Variants in PPP6R2 observed in about 807,000 individuals in gnomAD.
PPP6R2 encodes serine/threonine-protein phosphatase 6 regulatory subunit 2.
Under a neutral mutation model 100.2 loss-of-function variants are expected in PPP6R2, and 62 were observed. The observed-to-expected ratio is 0.62, with a 90% CI of 0.50 to 0.76. The LOEUF (loss-of-function observed/expected upper bound fraction) is 0.76, where lower values mean the gene tolerates loss of function less well. Among genes scored for constraint, PPP6R2 ranks in the 30% least tolerant of loss-of-function variants. The probability of loss-of-function intolerance (pLI) is 0.00; values close to 1 mark genes in which losing one functional copy is unlikely to be tolerated. For synonymous variants in PPP6R2, 525 were observed against 514.7 expected, an observed-to-expected ratio of 1.02 and a Z score of -0.27; for missense variants, 1,142 against 1,276.3, an observed-to-expected ratio of 0.89 and a Z score of 1.60.
chr22:50,418,266 A>G (rs188499801), intron 6 of PPP6R2, among the ~76,000 whole-genome samples: 22 of 152,250 alleles, frequency 1.4e-4, no homozygotes, highest in Admixed American at 7.2e-4. Flanking sequence ...TTTAAAAAAA[A>G]GAAAACTCTA....
intron 3 of PPP6R2, among the ~76,000 whole-genome samples, chr22:50,402,316 G>T (rs2058174011): frequency 1.3e-5 from 2 of 148,620 alleles, no homozygotes; most frequent in South Asian, 2.2e-4. Flanking sequence ...AGGGCTGGGG[G>T]CACCCCAGTT....
upstream of PPP6R2, among the ~76,000 whole-genome samples, chr22:50,338,874 A>AGT (rs553855768): frequency 1.7e-5 from 1 of 57,268 alleles, no homozygotes. Context: ...TGTGGTATGT[A>AGT]GTGTGTGTGT....
chr22:50,394,896 A>G (rs1305124771), intron 3 of PPP6R2, among the ~76,000 whole-genome samples: 3 of 132,552 alleles, frequency 2.3e-5, no homozygotes, highest in Non-Finnish European at 3.1e-5. Context: ...CCTGGGTGAC[A>G]GAGTGTGACT....
chr22:50,441,982 G>A (rs1277580036), intron 22 of PPP6R2, among the ~76,000 whole-genome samples: 1 of 152,168 alleles, frequency 6.6e-6, no homozygotes, highest in Non-Finnish European at 1.5e-5. Context: ...TGAGCTCCCA[G>A]TAGGTCCAGG....
chr22:50,438,050 C>A (rs1177269655), intron 17 of PPP6R2, 124 bp from the exon 18 acceptor site: 1 of 1,497,552 alleles, frequency 6.7e-7, no homozygotes, highest in Non-Finnish European at 9.1e-7. Flanking sequence ...TGCCCCTCCC[C>A]GTCCTCCCCT....
At chr22:50,393,305 G>C in intron 2 of PPP6R2, 1 of 792,798 alleles carries the variant, frequency 1.3e-6, no homozygotes, top group Non-Finnish European at 1.5e-6. Context: ...GGGCCGGGTG[G>C]CTGGGGGAGG....
At chr22:50,369,666 C>T (rs958999097) in intron 1 of PPP6R2, among the ~76,000 whole-genome samples, 9 of 151,948 alleles carry the variant, frequency 5.9e-5, no homozygotes, top group Admixed American at 1.3e-4. Flanking sequence ...GGCGTACGCC[C>T]GGCTAATTTT....
chr22:50,436,557 C>T (rs369757017), intron 14 of PPP6R2, 105 bp downstream of exon 14: 12 of 1,112,868 alleles, frequency 1.1e-5, no homozygotes, highest in African/African-American at 4.6e-5. Context: ...GCACAAGGGC[C>T]GCACGCCTGC....
chr22:50,370,318 T>A (rs2049768223), intron 1 of PPP6R2, among the ~76,000 whole-genome samples: 1 of 152,170 alleles, frequency 6.6e-6, no homozygotes, highest in South Asian at 2.1e-4. Flanking sequence ...GATGGAGTCT[T>A]GCACTGTCAC....
chr22:50,350,362 C>T (rs963522737), intron 1 of PPP6R2, among the ~76,000 whole-genome samples: 2 of 151,016 alleles, frequency 1.3e-5, no homozygotes, highest in African/African-American at 2.4e-5. Flanking sequence ...TCCTGAGTAG[C>T]GGGGATTACA....
intron 1 of PPP6R2, among the ~76,000 whole-genome samples, chr22:50,370,061 A>G (rs2049712878): frequency 6.6e-6 from 1 of 151,714 alleles, no homozygotes. Flanking sequence ...TTTGATTTGT[A>G]TATAAAATGT....
intron 1 of PPP6R2, among the ~76,000 whole-genome samples, chr22:50,350,179 T>A (rs1023372244): frequency 6.6e-6 from 1 of 152,152 alleles, no homozygotes. Context: ...CCTTATCTGT[T>A]TTATCCTGAG....
chr22:50,353,922 G>T (rs74998081), intron 1 of PPP6R2, among the ~76,000 whole-genome samples: 2,857 of 149,774 alleles, frequency 0.019, 92 homozygotes, highest in African/African-American at 0.066. Flanking sequence ...AAAATTAAAA[G>T]AATACATTTT....
chr22:50,359,513 G>A (rs959189769), intron 1 of PPP6R2, among the ~76,000 whole-genome samples: 2 of 146,894 alleles, frequency 1.4e-5, no homozygotes, highest in African/African-American at 2.7e-5. Flanking sequence ...CACCATGCCC[G>A]GCCTGTGGAG....
chr22:50,420,714 G>A (rs1416120733), intron 8 of PPP6R2, among the ~76,000 whole-genome samples: 2 of 152,198 alleles, frequency 1.3e-5, no homozygotes, highest in Admixed American at 1.3e-4. Flanking sequence ...ACAAGGGGGT[G>A]TGGTTGGCCC....
intron 3 of PPP6R2, among the ~76,000 whole-genome samples, chr22:50,397,470 G>A (rs2057140873): frequency 6.6e-6 from 1 of 152,230 alleles, no homozygotes; most frequent in African/African-American, 2.4e-5. Flanking sequence ...TAGAAACATG[G>A]AGGTTAACGT....
chr22:50,372,976 C>T (rs368328034), intron 2 of PPP6R2, among the ~76,000 whole-genome samples: 14 of 152,014 alleles, frequency 9.2e-5, no homozygotes, highest in East Asian at 5.8e-4. Flanking sequence ...CGTGAGCCAC[C>T]GCGCCCTGTC....
intron 1 of PPP6R2, among the ~76,000 whole-genome samples, chr22:50,354,868 C>CT (rs762678639): frequency 0.053 from 6,719 of 126,290 alleles, 337 homozygotes; most frequent in African/African-American, 0.11. Context: ...CTGGATCAGC[C>CT]TTTTTTTTTT....
At chr22:50,384,904 C>T (rs1173420766) in intron 2 of PPP6R2, among the ~76,000 whole-genome samples, 1 of 152,106 alleles carries the variant, frequency 6.6e-6, no homozygotes, top group Admixed American at 6.6e-5. Flanking sequence ...CCATGCTCAG[C>T]TAATCTTGTT....
Sources: gnomAD v4.1 joint callset for allele counts (sites outside exome capture counted in the v4.1 genomes callset) on GRCh38, gnomAD v4.1.1 for gene constraint, MANE v1.5 for transcripts, NCBI Gene and HGNC (gene_info 2026-07-23, HGNC 2026-07-21) for gene names.